The following PLPP1 variants were observed in gnomAD, a reference collection of about 807,000 sequenced individuals.
PLPP1 encodes phospholipid phosphatase 1.
In PLPP1, 24 loss-of-function variants were observed where a neutral mutation model predicts 31.2. That is an observed-to-expected ratio of 0.77 (90% confidence interval 0.56 to 1.08). PLPP1 has a LOEUF of 1.08. Among genes scored for constraint, PLPP1 ranks in the 50% least tolerant of loss-of-function variants. PLPP1 has a pLI of 0.00. For synonymous variants in PLPP1, 146 were observed against 126.3 expected (o/e 1.16, Z -1.05); for missense variants, 319 against 342.7 (o/e 0.93, Z 0.55).
intron 1 of PLPP1, among the ~76,000 whole-genome samples, chr5:55,525,340 C>T (rs1417384706): frequency 1.3e-5 from 2 of 152,152 alleles, no homozygotes; most frequent in Non-Finnish European, 2.9e-5. Flanking sequence ...AGAATACAGG[C>T]ACAAAGAGAA....
chr5:55,426,381 C>G (rs912231721), intron 4 of PLPP1, among the ~76,000 whole-genome samples: 3 of 152,082 alleles, frequency 2.0e-5, no homozygotes, highest in African/African-American at 7.2e-5. Flanking sequence ...TAGTCAAGAC[C>G]AGTGCTGCCA....
intron 1 of PLPP1, among the ~76,000 whole-genome samples, chr5:55,480,219 C>T (rs1752641266): frequency 6.6e-6 from 1 of 152,056 alleles, no homozygotes. Context: ...TCTCAAATGA[C>T]TACCCTTGTC....
intron 2 of PLPP1, among the ~76,000 whole-genome samples, chr5:55,473,079 A>T (rs1002824358): frequency 1.3e-5 from 2 of 152,202 alleles, no homozygotes; most frequent in Admixed American, 6.5e-5. Context: ...TTTGCAACTA[A>T]AAGTCCTACT....
At chr5:55,446,222 C>T (rs927263070) in intron 3 of PLPP1, among the ~76,000 whole-genome samples, 2 of 152,194 alleles carry the variant, frequency 1.3e-5, no homozygotes, top group African/African-American at 2.4e-5. Flanking sequence ...TGATTCAACA[C>T]GTAAGACCTT....
intron 1 of PLPP1, among the ~76,000 whole-genome samples, chr5:55,509,884 T>C (rs1187912521): frequency 6.6e-6 from 1 of 152,200 alleles, no homozygotes; most frequent in East Asian, 1.9e-4. Context: ...CACTCCCTCA[T>C]GGTACAGCTG....
chr5:55,446,223 G>T (rs764362801), intron 3 of PLPP1, among the ~76,000 whole-genome samples: 16 of 152,158 alleles, frequency 1.1e-4, no homozygotes, highest in Non-Finnish European at 2.4e-4. Context: ...GATTCAACAC[G>T]TAAGACCTTT....
Position 55,527,161 on chromosome 5 carries a change from C to G in PLPP1, c.58+7411G>C, listed in dbSNP as rs1385878460. ...ACTATTTAGCAAGTGAGAATCTTCC[C>G]AAAATACTTGTTTTTTCCCCCTTTG... is the stretch of plus-strand genomic sequence containing the variant. On this transcript the variant is annotated intron_variant, in intron 1 of 5. Coordinates refer to ENST00000307259, the MANE Select transcript of PLPP1 (RefSeq NM_003711.4). 2.0e-5 allele frequency among the ~76,000 whole-genome samples: 3 copies of G among 152,154 alleles called. No individual in the cohort carries two copies. The East Asian group carries it at 5.8e-4, about 29-fold the overall frequency.
At chr5:55,507,095 C>A (rs1753296960) in intron 1 of PLPP1, among the ~76,000 whole-genome samples, 2 of 152,154 alleles carry the variant, frequency 1.3e-5, no homozygotes, top group African/African-American at 2.4e-5. Context: ...GGGTTCTCTT[C>A]CCCTTCTTTA....
At chr5:55,487,948 T>C (rs1407275559) in intron 1 of PLPP1, among the ~76,000 whole-genome samples, 1 of 151,980 alleles carries the variant, frequency 6.6e-6, no homozygotes, top group Non-Finnish European at 1.5e-5. Context: ...ACCAACATGG[T>C]GAAACCCTGT....
chr5:55,455,980 G>T (rs1240718409), intron 3 of PLPP1, among the ~76,000 whole-genome samples: 1 of 151,992 alleles, frequency 6.6e-6, no homozygotes, highest in South Asian at 2.1e-4. Flanking sequence ...AGCTACAGAT[G>T]TGAACTACCT....
intron 3 of PLPP1, among the ~76,000 whole-genome samples, chr5:55,449,155 CAT>C (rs1751838467): frequency 6.6e-6 from 1 of 152,276 alleles, no homozygotes; most frequent in Admixed American, 6.5e-5. Context: ...GTCTCCAAGA[CAT>C]ATTTTAAATG....
At chr5:55,525,914 G>A (rs1269613014) in intron 1 of PLPP1, among the ~76,000 whole-genome samples, 3 of 151,872 alleles carry the variant, frequency 2.0e-5, no homozygotes, top group African/African-American at 7.3e-5. Flanking sequence ...TTAATTAGCT[G>A]ATTGTACAGA....
At chr5:55,451,775 C>A (rs1383262965) in intron 3 of PLPP1, among the ~76,000 whole-genome samples, 1 of 152,068 alleles carries the variant, frequency 6.6e-6, no homozygotes, top group Non-Finnish European at 1.5e-5. Context: ...GTTGGTCAGG[C>A]TGGTCTCAAA....
chr5:55,473,868 T>C (rs1177270782), intron 2 of PLPP1, among the ~76,000 whole-genome samples: 1 of 152,098 alleles, frequency 6.6e-6, no homozygotes, highest in African/African-American at 2.4e-5. Context: ...GGGGTCTTGC[T>C]ATGCTACCCA....
intron 4 of PLPP1, among the ~76,000 whole-genome samples, chr5:55,429,305 A>G (rs1751286790): frequency 6.6e-6 from 1 of 152,026 alleles, no homozygotes; most frequent in Admixed American, 6.5e-5. Flanking sequence ...AGAACCACCA[A>G]AACAGTAGTA....
At position 55,514,861 on chromosome 5, in the gene PLPP1, T is replaced by A. The variant is rs952030585; in HGVS notation, c.58+19711A>T. On this transcript the variant is annotated intron_variant, in intron 1 of 5. Coordinates refer to ENST00000307259, the MANE Select transcript of PLPP1 (RefSeq NM_003711.4). ...AGGAAGGATTCCCACAAATGATTCC[T>A]TTGAGGCTAAGAGCAAACTTATAAT... Among the ~76,000 whole-genome samples the A allele has an allele frequency of 1.6e-4, 24 of 152,214 alleles. 1 individual carries two copies. The highest frequency in any genetic ancestry group is 5.5e-4 in the African/African-American group (23 of 41,454).
At chr5:55,448,540 T>C (rs924746579) in intron 3 of PLPP1, among the ~76,000 whole-genome samples, 1 of 147,710 alleles carries the variant, frequency 6.8e-6, no homozygotes, top group Non-Finnish European at 1.5e-5. Context: ...CTCCACCTCC[T>C]GGGTTCAAGC....
intron 1 of PLPP1, among the ~76,000 whole-genome samples, chr5:55,477,195 A>T (rs1417125144): frequency 6.6e-6 from 1 of 152,184 alleles, no homozygotes; most frequent in Non-Finnish European, 1.5e-5. Flanking sequence ...CCATGGTTAC[A>T]ATATAACTTC....
At chr5:55,425,563 TAA>T (rs776741668) in intron 5 of PLPP1, 14 of 464,694 alleles carry the variant, frequency 3.0e-5, no homozygotes, top group East Asian at 2.5e-4. Context: ...CAATACTGAA[TAA>T]AAGAGTTATT....
Sources: gnomAD v4.1 joint callset for allele counts (sites outside exome capture counted in the v4.1 genomes callset) on GRCh38, gnomAD v4.1.1 for gene constraint, MANE v1.5 for transcripts, NCBI Gene and HGNC (gene_info 2026-07-23, HGNC 2026-07-21) for gene names.